GALNT13: variants seen among roughly 807,000 people sequenced by gnomAD.
GALNT13 encodes the protein UDP-GalNAc:polypeptide N-acetylgalactosaminyltransferase 13.
In GALNT13, 28 loss-of-function variants were observed where a neutral mutation model predicts 64.2. The observed-to-expected ratio is 0.44, with a 90% CI of 0.32 to 0.60. GALNT13 has a LOEUF of 0.60. Among genes scored for constraint, GALNT13 ranks in the 20% least tolerant of loss-of-function variants. The pLI is 0.05. For missense variants in GALNT13, 577 were observed against 669.8 expected, an observed-to-expected ratio of 0.86 and a Z score of 1.53; for synonymous variants, 214 against 224.6, an observed-to-expected ratio of 0.95 and a Z score of 0.42.
chr2:154,304,840 T>G (rs1693643209), intron 9 of GALNT13, among the ~76,000 whole-genome samples: 1 of 152,222 alleles, frequency 6.6e-6, no homozygotes, highest in East Asian at 1.9e-4. Context: ...CAAGGACTTT[T>G]GGGGAATGTG....
At chr2:154,000,055 G>C (rs993273118) in intron 3 of GALNT13, among the ~76,000 whole-genome samples, 1 of 151,878 alleles carries the variant, frequency 6.6e-6, no homozygotes, top group African/African-American at 2.4e-5. Flanking sequence ...GTAGCAGTTA[G>C]GCAAGAGAAA....
chr2:153,380,182 G>T, the GALNT13 span, among the ~76,000 whole-genome samples: 1 of 152,078 alleles, frequency 6.6e-6, no homozygotes, highest in Non-Finnish European at 1.5e-5. Context: ...GGAGAAAAAT[G>T]GATGGTTGCA....
the GALNT13 span, among the ~76,000 whole-genome samples, chr2:153,527,372 T>C: frequency 6.6e-6 from 1 of 152,102 alleles, no homozygotes; most frequent in Non-Finnish European, 1.5e-5. Context: ...TACAGGCCAG[T>C]TGAGAGTGGC....
the GALNT13 span, among the ~76,000 whole-genome samples, chr2:153,819,042 G>C: frequency 1.3e-5 from 2 of 152,164 alleles, no homozygotes; most frequent in East Asian, 3.9e-4. Flanking sequence ...TTGTGCTAGG[G>C]ACTGAGGAAC....
chr2:153,464,385 A>G, the GALNT13 span, among the ~76,000 whole-genome samples: 4 of 152,068 alleles, frequency 2.6e-5, no homozygotes. Flanking sequence ...GTTTAAGACC[A>G]CATCGTCTGT....
chr2:153,254,645 T>A, the GALNT13 span, among the ~76,000 whole-genome samples: 3 of 152,276 alleles, frequency 2.0e-5, no homozygotes, highest in East Asian at 5.8e-4. Flanking sequence ...TTTGGATGTG[T>A]CCCAGAGATT....
intron 2 of GALNT13, among the ~76,000 whole-genome samples, chr2:153,914,041 C>CA (rs1689163661): frequency 6.6e-6 from 1 of 152,120 alleles, no homozygotes; most frequent in Admixed American, 6.6e-5. Context: ...TTTTTCAGTG[C>CA]ATTATTTTGA....
chr2:154,250,801 A>G (rs1690028600), intron 7 of GALNT13, among the ~76,000 whole-genome samples: 1 of 152,048 alleles, frequency 6.6e-6, no homozygotes, highest in South Asian at 2.1e-4. Flanking sequence ...TTTGGATTGC[A>G]GGAAAGAAAC....
intron 3 of GALNT13, among the ~76,000 whole-genome samples, chr2:154,035,303 C>A (rs12612618): frequency 0.053 from 7,984 of 151,950 alleles, 285 homozygotes; most frequent in South Asian, 0.11. Context: ...TAAATGAATG[C>A]GAATAACCTG....
the GALNT13 span, among the ~76,000 whole-genome samples, chr2:153,397,668 A>G: frequency 6.6e-6 from 1 of 151,608 alleles, no homozygotes; most frequent in Admixed American, 6.6e-5. Context: ...AAGTATCACC[A>G]AGGGGGAGGG....
the GALNT13 span, among the ~76,000 whole-genome samples, chr2:153,375,970 G>C: frequency 6.6e-6 from 1 of 152,062 alleles, no homozygotes; most frequent in Non-Finnish European, 1.5e-5. Context: ...GGGCTGGCCT[G>C]GGAGAGGTTC....
At chr2:153,986,184 C>A (rs1489065328) in intron 3 of GALNT13, among the ~76,000 whole-genome samples, 1 of 152,004 alleles carries the variant, frequency 6.6e-6, no homozygotes, top group African/African-American at 2.4e-5. Context: ...TGGCTTCAAA[C>A]CGTCAAATGG....
the GALNT13 span, among the ~76,000 whole-genome samples, chr2:153,756,873 C>A: frequency 6.6e-6 from 1 of 151,746 alleles, no homozygotes; most frequent in African/African-American, 2.4e-5. Context: ...CTATTTTTTT[C>A]CAGGTGTTTT....
At chr2:153,656,687 T>C in the GALNT13 span, among the ~76,000 whole-genome samples, 1 of 152,128 alleles carries the variant, frequency 6.6e-6, no homozygotes, top group Non-Finnish European at 1.5e-5. Flanking sequence ...ATTTGAAGGC[T>C]ACCCTTTAGG....
chr2:153,314,143 C>A, the GALNT13 span, among the ~76,000 whole-genome samples: 3 of 151,976 alleles, frequency 2.0e-5, no homozygotes, highest in East Asian at 3.8e-4. Flanking sequence ...ACTGAAATAA[C>A]CTGATAATTT....
chr2:153,072,848 CTT>C, the GALNT13 span, among the ~76,000 whole-genome samples: 1 of 152,168 alleles, frequency 6.6e-6, no homozygotes, highest in Non-Finnish European at 1.5e-5. Flanking sequence ...TCCAGGGACT[CTT>C]TGCTGTTTTC....
chr2:153,902,907 G>T (rs1456459403), intron 2 of GALNT13, among the ~76,000 whole-genome samples: 3 of 152,082 alleles, frequency 2.0e-5, no homozygotes, highest in Non-Finnish European at 4.4e-5. Context: ...CAGAGTCATT[G>T]CAGTTTACCA....
chr2:154,088,646 T>C (rs1361880228), intron 3 of GALNT13, among the ~76,000 whole-genome samples: 2 of 152,090 alleles, frequency 1.3e-5, no homozygotes, highest in Non-Finnish European at 2.9e-5. Context: ...AGAGATGGGG[T>C]TTCCCCACAT....
the GALNT13 span, among the ~76,000 whole-genome samples, chr2:153,677,042 TAAAG>T: frequency 2.0e-5 from 3 of 151,782 alleles, no homozygotes; most frequent in African/African-American, 7.3e-5. Context: ...TCAGGCAAGA[TAAAG>T]AAATAAAAGG....
Sources: gnomAD v4.1 joint callset for allele counts (sites outside exome capture counted in the v4.1 genomes callset) on GRCh38, gnomAD v4.1.1 for gene constraint, MANE v1.5 for transcripts, NCBI Gene and HGNC (gene_info 2026-07-23, HGNC 2026-07-21) for gene names.